DYSF: variants seen among roughly 807,000 people sequenced by gnomAD.
DYSF encodes dystrophy-associated fer-1-like 1.
DYSF carries 212 observed loss-of-function variants against 274.9 expected under a neutral mutation model. The ratio of observed to expected loss-of-function variants is 0.77; its 90% CI spans 0.69 to 0.86. The LOEUF (loss-of-function observed/expected upper bound fraction) is 0.86, where lower values mean the gene tolerates loss of function less well. Among genes scored for constraint, DYSF ranks in the 40% least tolerant of loss-of-function variants. The pLI, the probability that DYSF is intolerant of heterozygous loss-of-function variation, is 0.00. For missense variants in DYSF, 2,666 were observed against 2,783.2 expected (o/e 0.96, Z 0.95); for synonymous variants, 1,091 against 1,078.7 (o/e 1.01, Z -0.22).
At chr2:71,520,358 T>C (rs1450930826) in intron 11 of DYSF, 150 bp downstream of exon 11, 4 of 919,276 alleles carry the variant, frequency 4.4e-6, no homozygotes, top group African/African-American at 1.6e-5. Context: ...TCATTCATCC[T>C]CCATGTGAGA....
At chr2:71,533,147 G>A (rs887768199) in intron 14 of DYSF, among the ~76,000 whole-genome samples, 4 of 152,076 alleles carry the variant, frequency 2.6e-5, no homozygotes, top group African/African-American at 9.7e-5. Flanking sequence ...GGTCTCCTGA[G>A]TAGCTGGTAC....
At chr2:71,560,441 C>T (rs1292268685) in intron 22 of DYSF, among the ~76,000 whole-genome samples, 1 of 18,246 alleles carries the variant, frequency 5.5e-5, no homozygotes, top group African/African-American at 4.9e-4. Context: ...ACCCACCGAG[C>T]ATGCCCCTCC....
At chr2:71,539,526 G>A (rs536315635) in intron 17 of DYSF, among the ~76,000 whole-genome samples, 6 of 152,324 alleles carry the variant, frequency 3.9e-5, no homozygotes, top group African/African-American at 1.4e-4. Flanking sequence ...ATCAGGTCCT[G>A]CCTTGGCCGA....
rs529568222 is a variant in DYSF at position 71,485,080 on chromosome 2, A to T, written c.239+3110A>T. On this transcript the variant is annotated intron_variant, in intron 3 of 55. Transcript: ENST00000410020. Reference sequence around the variant, plus strand: ...CCAACCTCACCCGTTTACCAGAAACACCTTTCTTATAACATTTAAATGTAA... The same window carrying T: ...CCAACCTCACCCGTTTACCAGAAACTCCTTTCTTATAACATTTAAATGTAA... Among the ~76,000 whole-genome samples, 8 of 152,372 alleles carry T rather than the reference A, an allele frequency of 5.3e-5. No individual in the cohort carries two copies. The South Asian group carries it at 1.0e-3, about 20-fold the overall frequency.
chr2:71,459,800 G>C (rs2081211397), intron 1 of DYSF, among the ~76,000 whole-genome samples: 1 of 152,058 alleles, frequency 6.6e-6, no homozygotes, highest in Non-Finnish European at 1.5e-5. Flanking sequence ...CTCTCCCTTG[G>C]GCTCATCAGG....
chr2:71,594,414 A>G (rs542900281), intron 32 of DYSF, among the ~76,000 whole-genome samples: 4 of 152,290 alleles, frequency 2.6e-5, no homozygotes, highest in African/African-American at 9.6e-5. Flanking sequence ...TTCGGGATTT[A>G]CAATGCACAG....
At chr2:71,499,188 G>T in intron 3 of DYSF, among the ~76,000 whole-genome samples, 1 of 151,944 alleles carries the variant, frequency 6.6e-6, no homozygotes, top group African/African-American at 2.4e-5. Flanking sequence ...TTGCTTAATC[G>T]CCCATATAGA....
intron 4 of DYSF, among the ~76,000 whole-genome samples, chr2:71,504,291 G>A (rs2085271899): frequency 6.6e-6 from 1 of 152,260 alleles, no homozygotes; most frequent in African/African-American, 2.4e-5. Flanking sequence ...CTCTCAGTCT[G>A]CTGCCCTCTC....
intron 1 of DYSF, among the ~76,000 whole-genome samples, chr2:71,476,111 A>T (rs1482514357): frequency 6.6e-6 from 1 of 152,048 alleles, no homozygotes; most frequent in Non-Finnish European, 1.5e-5. Context: ...ACTTGGGGGG[A>T]TCCTCAAGAC....
chr2:71,647,258 G>A (rs1171923787), intron 42 of DYSF, among the ~76,000 whole-genome samples: 3 of 152,070 alleles, frequency 2.0e-5, no homozygotes, highest in African/African-American at 7.2e-5. Flanking sequence ...CTTTAAAATA[G>A]AGAATAAAAA....
chr2:71,455,033 C>G (rs1374231016), intron 1 of DYSF, among the ~76,000 whole-genome samples: 2 of 152,234 alleles, frequency 1.3e-5, no homozygotes, highest in African/African-American at 4.8e-5. Flanking sequence ...CCCCAGAGAT[C>G]TGACTTCTAA....
intron 17 of DYSF, among the ~76,000 whole-genome samples, chr2:71,546,588 G>C (rs2090496119): frequency 6.6e-6 from 1 of 152,212 alleles, no homozygotes; most frequent in Non-Finnish European, 1.5e-5. Flanking sequence ...GAAGCTGCAG[G>C]TCTTTTGAGA....
intron 41 of DYSF, among the ~76,000 whole-genome samples, chr2:71,626,067 A>G (rs907609448): frequency 1.3e-5 from 2 of 152,032 alleles, no homozygotes; most frequent in Non-Finnish European, 2.9e-5. Flanking sequence ...TATAGAGTCA[A>G]TCATATAATT....
chr2:71,570,831 G>A (rs1255961322), intron 29 of DYSF, 90 bp downstream of exon 29: 1 of 1,567,082 alleles, frequency 6.4e-7, no homozygotes, highest in Non-Finnish European at 8.7e-7. Context: ...ACAGACACAT[G>A]CATGTGTGCA....
chr2:71,633,969 A>G (rs2094354856), intron 41 of DYSF, among the ~76,000 whole-genome samples: 1 of 152,216 alleles, frequency 6.6e-6, no homozygotes, highest in Non-Finnish European at 1.5e-5. Context: ...GGAACGTATC[A>G]TACTGATTTG....
chr2:71,676,284 A>G (rs2095221101), intron 52 of DYSF, among the ~76,000 whole-genome samples: 1 of 152,138 alleles, frequency 6.6e-6, no homozygotes. Flanking sequence ...CTGTTTGTAC[A>G]GGGTGCCATT....
chr2:71,477,229 G>T (rs2082463771), intron 1 of DYSF, among the ~76,000 whole-genome samples: 1 of 152,130 alleles, frequency 6.6e-6, no homozygotes. Flanking sequence ...GTTTTATGGG[G>T]CAATGGAGAG....
At chr2:71,498,152 T>A (rs1002088126) in intron 3 of DYSF, among the ~76,000 whole-genome samples, 1 of 152,118 alleles carries the variant, frequency 6.6e-6, no homozygotes, top group Admixed American at 6.5e-5. Flanking sequence ...ATGCTTCAAG[T>A]CCCCGGAAAG....
chr2:71,637,539 G>A (rs2094423598), intron 41 of DYSF, among the ~76,000 whole-genome samples: 1 of 152,224 alleles, frequency 6.6e-6, no homozygotes, highest in Non-Finnish European at 1.5e-5. Flanking sequence ...GCGAGTAAAG[G>A]GCCAGGGAAG....
Sources: allele counts gnomAD v4.1 joint callset (sites outside exome capture counted in the v4.1 genomes callset), GRCh38; gene constraint gnomAD v4.1.1; transcripts MANE v1.5; gene names NCBI Gene and HGNC (gene_info 2026-07-23, HGNC 2026-07-21).